NTRK3: variants seen among roughly 807,000 people sequenced by gnomAD.
NTRK3 encodes neurotrophic receptor tyrosine kinase 3, also known as NT-3 growth factor receptor.
A neutral mutation model predicts 91.7 loss-of-function variants in NTRK3; 24 were observed. The ratio of observed to expected loss-of-function variants is 0.26; its 90% CI spans 0.19 to 0.37. NTRK3 has a LOEUF of 0.37. Ranked by LOEUF, NTRK3 falls within the 10% of genes least tolerant of loss-of-function variation. NTRK3 has a pLI of 1.00. For missense variants in NTRK3, 880 were observed against 1,068.9 expected (o/e 0.82, Z 2.46); for synonymous variants, 483 against 404.0 (o/e 1.20, Z -2.34).
In NTRK3 at chr15:87,949,713, G is replaced by C. The variant is rs78073292; in HGVS notation, c.1586-8960C>G. 9.8e-4 allele frequency among the ~76,000 whole-genome samples: 149 copies of C among 152,200 alleles called. 3 individuals are homozygous for C. In the East Asian group the frequency reaches 0.026, roughly 27 times the overall value. ...AACATCAGCCTCCCTACCACAGTAC[G>C]CCTGCCCTTTCATACCCACTTCCTG... On this transcript the variant is annotated intron_variant, in intron 14 of 18. Coordinates refer to ENST00000394480, the Ensembl canonical transcript of NTRK3.
At chr15:87,899,695 T>G (rs941152318) in intron 17 of NTRK3, among the ~76,000 whole-genome samples, 2 of 152,110 alleles carry the variant, frequency 1.3e-5, no homozygotes, top group Non-Finnish European at 2.9e-5. Context: ...AAACAATACA[T>G]AGCACAGCAG....
At chr15:88,140,687 ACTC>A (rs1259772467) in intron 6 of NTRK3, among the ~76,000 whole-genome samples, 1 of 152,102 alleles carries the variant, frequency 6.6e-6, no homozygotes, top group Non-Finnish European at 1.5e-5. Context: ...CCTCTGGAAA[ACTC>A]CACGGTATGC....
At chr15:88,109,078 G>C (rs911235416) in intron 13 of NTRK3, among the ~76,000 whole-genome samples, 1 of 152,204 alleles carries the variant, frequency 6.6e-6, no homozygotes, top group Non-Finnish European at 1.5e-5. Context: ...TCTAGTCAGC[G>C]GATGCTTCTC....
chr15:88,116,578 G>A lies in NTRK3; in HGVS notation c.1396+9693C>T, dbSNP rs144054928. On this transcript the variant is annotated intron_variant, in intron 13 of 18. Transcript: ENST00000394480. ...GAGAGGTGATCTAAGTTCCCAGGTC[G>A]CAGGCCTGAAGTATTTACCAGTAAC... Among the ~76,000 whole-genome samples the A allele has an allele frequency of 5.8e-3, 875 of 152,044 alleles. 5 individuals are homozygous for A. Among genetic ancestry groups the A allele is most frequent in the Middle Eastern group, 0.02 (6 of 294 alleles).
intron 3 of NTRK3, among the ~76,000 whole-genome samples, chr15:88,242,428 G>A (rs2052444793): frequency 6.6e-6 from 1 of 152,102 alleles, no homozygotes; most frequent in South Asian, 2.1e-4. Flanking sequence ...CTCCACCTTA[G>A]GGAAGCCACA....
chr15:88,031,765 T>C (rs906175011), intron 14 of NTRK3, among the ~76,000 whole-genome samples: 1 of 152,136 alleles, frequency 6.6e-6, no homozygotes, highest in African/African-American at 2.4e-5. Flanking sequence ...CCCACTCTGC[T>C]GTAGGATGAA....
At position 88,255,835 on chromosome 15, in the gene NTRK3, C is replaced by T. The variant is rs2053999786; in HGVS notation, c.248+71G>A. 2 of 1,389,018 alleles carry T rather than the reference C, an allele frequency of 1.4e-6. No homozygotes were observed. Among genetic ancestry groups the T allele is most frequent in the Non-Finnish European group, 9.5e-7 (1 of 1,051,256 alleles). The allele number at this position is 1,389,018 out of a possible 1,614,324, so 86.0% of individuals were successfully genotyped here. On this transcript the variant is annotated intron_variant, in intron 3 of 18. Coordinates refer to ENST00000394480, the Ensembl canonical transcript of NTRK3. This position sits in a 1 kb window ranked among gnomAD's most constrained non-coding sequence, Gnocchi z 4.3. ...CTGGGGCGGGCGGAGGGCCGGCTCC[C>T]GGCCGCGGGTGGGCAGGAGGGAGAC... is the stretch of plus-strand genomic sequence containing the variant.
chr15:88,141,397 T>C (rs981312405), intron 6 of NTRK3, among the ~76,000 whole-genome samples: 1 of 152,096 alleles, frequency 6.6e-6, no homozygotes, highest in South Asian at 2.1e-4. Context: ...AGCTGCCCAG[T>C]GTATGCAGGA....
intron 3 of NTRK3, chr15:88,252,682 G>T (rs1022304711): frequency 6.6e-6 from 1 of 152,276 alleles, no homozygotes; most frequent in African/African-American, 2.4e-5. Flanking sequence ...CAGCCTGGTT[G>T]GGTGTGGCTG....
intron 6 of NTRK3, among the ~76,000 whole-genome samples, chr15:88,139,704 C>T (rs1162395408): frequency 3.3e-5 from 5 of 152,132 alleles, no homozygotes; most frequent in African/African-American, 1.2e-4. Context: ...GGGGCCCTCT[C>T]TGATGTTTGG....
At chr15:88,087,993 G>A (rs2048663385) in intron 13 of NTRK3, among the ~76,000 whole-genome samples, 2 of 152,318 alleles carry the variant, frequency 1.3e-5, no homozygotes, top group South Asian at 4.1e-4. Flanking sequence ...AGAGGCTGCA[G>A]TGAGCCAAGA....
Position 87,940,772 on chromosome 15 carries a change from G to C in NTRK3, c.1586-19C>G, listed in dbSNP as rs1259015477. ...TGCACATCTGTAGGATGGGGACAAA[G>C]AGGAGGGCAGCAAATCAGTCCTCGT... On this transcript the variant is annotated intron_variant, in intron 14 of 18. Transcript: ENST00000394480. 2 of 1,613,988 alleles carry C rather than the reference G, an allele frequency of 1.2e-6. No individual in the cohort carries two copies. Among genetic ancestry groups the C allele is most frequent in the Admixed American group, 1.7e-5 (1 of 60,004 alleles).
chr15:88,074,704 T>C (rs1222136308), intron 13 of NTRK3, among the ~76,000 whole-genome samples: 1 of 152,224 alleles, frequency 6.6e-6, no homozygotes, highest in Non-Finnish European at 1.5e-5. Flanking sequence ...AGAAAATCTC[T>C]CTTTTCCTGG....
intron 17 of NTRK3, among the ~76,000 whole-genome samples, chr15:87,926,419 C>T (rs1371428259): frequency 6.6e-6 from 1 of 152,118 alleles, no homozygotes; most frequent in Non-Finnish European, 1.5e-5. Context: ...GTTCAAACTT[C>T]CTTGGGACCA....
chr15:88,064,444 A>C (rs1229397761), intron 13 of NTRK3, among the ~76,000 whole-genome samples: 1 of 151,982 alleles, frequency 6.6e-6, no homozygotes, highest in Non-Finnish European at 1.5e-5. Context: ...CACATTCTCT[A>C]CTGTTGGTTC....
intron 13 of NTRK3, among the ~76,000 whole-genome samples, chr15:88,036,885 T>C (rs1006407171): frequency 6.6e-6 from 1 of 152,176 alleles, no homozygotes; most frequent in African/African-American, 2.4e-5. Flanking sequence ...AGGGAGAAGT[T>C]TGAGAAGATA....
chr15:88,119,227 T>C (rs550306906), intron 13 of NTRK3, among the ~76,000 whole-genome samples: 1 of 152,284 alleles, frequency 6.6e-6, no homozygotes, highest in African/African-American at 2.4e-5. Context: ...AAAACACACA[T>C]GGCTTTACAG....
intron 5 of NTRK3, among the ~76,000 whole-genome samples, 172 bp from the exon 6 acceptor site, chr15:88,147,575 C>T (rs2043005320): frequency 6.6e-6 from 1 of 151,654 alleles, no homozygotes; most frequent in Admixed American, 6.6e-5. Context: ...GCTAGCGATA[C>T]ATCTGCTAAT....
chr15:87,923,947 G>A (rs137965170), intron 17 of NTRK3, among the ~76,000 whole-genome samples: 5 of 152,172 alleles, frequency 3.3e-5, no homozygotes, highest in Admixed American at 1.3e-4. Flanking sequence ...GAGGCCCCTC[G>A]ATCTTGAACT....
Sources: gnomAD v4.1 joint callset for allele counts (sites outside exome capture counted in the v4.1 genomes callset) on GRCh38, gnomAD v4.1.1 for gene constraint, Gnocchi (gnomAD v3.1) non-coding constraint, MANE v1.5 for transcripts, NCBI Gene and HGNC (gene_info 2026-07-23, HGNC 2026-07-21) for gene names.